SPAG17: variants seen among roughly 807,000 people sequenced by gnomAD.
SPAG17 encodes sperm-associated antigen 17.
In SPAG17, 169 loss-of-function variants were observed where a neutral mutation model predicts 273.6. The ratio of observed to expected loss-of-function variants is 0.62; its 90% confidence interval spans 0.55 to 0.70. SPAG17 has a LOEUF of 0.70. SPAG17 is among the 30% of genes least tolerant of loss of function. The pLI, the probability that SPAG17 is intolerant of heterozygous loss-of-function variation, is 0.00. For missense variants in SPAG17, 2,557 were observed against 2,627.8 expected (o/e 0.97, Z 0.59); for synonymous variants, 825 against 873.2 (o/e 0.94, Z 0.97).
At chr1:118,149,038 T>C (rs982917850) in intron 3 of SPAG17, among the ~76,000 whole-genome samples, 12 of 152,204 alleles carry the variant, frequency 7.9e-5, no homozygotes, top group African/African-American at 2.7e-4. Context: ...CATTAATGAA[T>C]GTCTGGTGCA....
chr1:118,071,375 T>C (rs749993222), intron 17 of SPAG17, among the ~76,000 whole-genome samples: 1 of 152,106 alleles, frequency 6.6e-6, no homozygotes, highest in African/African-American at 2.4e-5. Flanking sequence ...ATATCAGAAA[T>C]GCAGTGGCTC....
At chr1:117,981,695 T>C (rs1323859034) in intron 42 of SPAG17, among the ~76,000 whole-genome samples, 3 of 152,328 alleles carry the variant, frequency 2.0e-5, no homozygotes, top group East Asian at 1.9e-4. Flanking sequence ...TGTCACCTTG[T>C]TGTGTTATGT....
intron 2 of SPAG17, 80 bp downstream of exon 2, chr1:118,151,149 A>G: frequency 1.7e-6 from 2 of 1,198,762 alleles, no homozygotes; most frequent in Non-Finnish European, 2.2e-6. Context: ...CAAGAATATG[A>G]TAGTTTATTT....
At chr1:118,173,584 C>G (rs1265116739) in intron 1 of SPAG17, among the ~76,000 whole-genome samples, 1 of 152,068 alleles carries the variant, frequency 6.6e-6, no homozygotes, top group Non-Finnish European at 1.5e-5. Context: ...AATACAACGA[C>G]ACATCTAAGG....
chr1:118,134,053 G>A (rs1454051243), intron 3 of SPAG17, among the ~76,000 whole-genome samples: 2 of 152,182 alleles, frequency 1.3e-5, no homozygotes, highest in Admixed American at 6.5e-5. Flanking sequence ...ACTATCAGAA[G>A]GACTGTAAAT....
chr1:118,067,678 T>A (rs959468130), intron 17 of SPAG17, among the ~76,000 whole-genome samples: 1 of 152,234 alleles, frequency 6.6e-6, no homozygotes, highest in African/African-American at 2.4e-5. Flanking sequence ...TCAGTAGGTA[T>A]GATTATTTTT....
At position 118,145,058 on chromosome 1, in the gene SPAG17, G is replaced by A. The variant is rs1658896296; in HGVS notation, c.315+5485C>T. Among the ~76,000 whole-genome samples, 4 of 152,292 alleles carry A rather than the reference G, an allele frequency of 2.6e-5. No homozygotes were observed. In the Middle Eastern group the frequency reaches 0.014, roughly 518 times the overall value. ...TTAAAGCGCGGGATTGAAAAGGCCA[G>A]AGAATGCTTCCTGTCTCCCTTTTCC... On this transcript the variant is annotated intron_variant, in intron 3 of 48. Coordinates refer to ENST00000336338, the MANE Select transcript of SPAG17 (RefSeq NM_206996.4).
rs1298293159 is a variant in SPAG17, at chr1:118,161,544, T to C, written c.88-10175A>G. ...TTTTTTTAATAGGGAAGGTTTTTTT[T>C]CTTCTTTTTTTTAGACGTAGTCTCG... On this transcript the variant is annotated intron_variant, in intron 1 of 48. Transcript: ENST00000336338. Among the ~76,000 whole-genome samples the C allele has an allele frequency of 7.2e-5, 11 of 152,268 alleles. No homozygotes were observed. The East Asian group carries it at 9.6e-4, about 13-fold the overall frequency.
chr1:118,097,169 A>G (rs1464175531), intron 7 of SPAG17, among the ~76,000 whole-genome samples: 5 of 151,520 alleles, frequency 3.3e-5, no homozygotes, highest in Admixed American at 2.0e-4. Flanking sequence ...CAGGAGGCGG[A>G]GGTTGCAGTG....
intron 38 of SPAG17, 100 bp downstream of exon 38, chr1:117,990,761 G>C: frequency 2.8e-6 from 2 of 719,188 alleles, no homozygotes; most frequent in South Asian, 1.9e-5. Context: ...TATGTACATG[G>C]TGTCTTGTTA....
chr1:118,155,803 T>G (rs980407186), intron 1 of SPAG17, among the ~76,000 whole-genome samples: 13 of 152,230 alleles, frequency 8.5e-5, no homozygotes, highest in Admixed American at 1.3e-4. Context: ...GCAGATTTAC[T>G]GCAAAATGGA....
At chr1:117,996,996 T>C (rs778881334) in intron 32 of SPAG17, among the ~76,000 whole-genome samples, 1 of 152,054 alleles carries the variant, frequency 6.6e-6, no homozygotes, top group Non-Finnish European at 1.5e-5. Flanking sequence ...GTGAATAGGA[T>C]GGGGAGGATA....
chr1:117,955,006 A>G, intron 48 of SPAG17: 1 of 381,590 alleles, frequency 2.6e-6, no homozygotes, highest in Non-Finnish European at 4.7e-6. Context: ...TGATGGGAGA[A>G]TGTATGTTTA....
At chr1:118,109,024 C>T (rs72697598) in intron 4 of SPAG17, among the ~76,000 whole-genome samples, 10 of 152,082 alleles carry the variant, frequency 6.6e-5, no homozygotes, top group Admixed American at 5.9e-4. Flanking sequence ...TTCTAAATGA[C>T]TTCTTGATGT....
rs150857964 is a variant in SPAG17, at chr1:118,012,075, C to A, written c.4432+153G>T. Reference sequence around the variant, plus strand: ...AATAATACTACTAAATCCTTATAGACCCTGCTTTGGATGGCATGGGTTTTC... The same window carrying A: ...AATAATACTACTAAATCCTTATAGAACCTGCTTTGGATGGCATGGGTTTTC... On this transcript the variant is annotated intron_variant, in intron 30 of 48. Transcript: ENST00000336338. 4.6e-5 allele frequency among the ~76,000 whole-genome samples: 7 copies of A among 151,994 alleles called. No homozygotes were observed. In the East Asian group the frequency reaches 1.4e-3, roughly 29 times the overall value.
At chr1:118,107,993 G>A (rs1412376945) in intron 4 of SPAG17, among the ~76,000 whole-genome samples, 1 of 152,176 alleles carries the variant, frequency 6.6e-6, no homozygotes, top group African/African-American at 2.4e-5. Context: ...CTGGTGCAGA[G>A]AAAATATATG....
Position 118,055,817 on chromosome 1 carries a change from T to G in SPAG17, c.2638A>C (p.Thr880Pro). The change falls in exon 19 of 49, where the codon ACC (threonine) becomes CCC (proline). Residue 880 changes from threonine to proline, a missense_variant. Transcript: ENST00000336338. Reference sequence around the variant, plus strand: ...GATTTCAATTCCAGCTCAGCTCTGGTCCTGATGATTTTCTCATTCATTTTA... The same window carrying G: ...GATTTCAATTCCAGCTCAGCTCTGGGCCTGATGATTTTCTCATTCATTTTA... ...ESKMNEKIIR[T>P]RAELELKSSA... 6.2e-7 allele frequency: 1 copy of G among 1,613,282 alleles called. No homozygotes were observed.
intron 28 of SPAG17, among the ~76,000 whole-genome samples, chr1:118,020,322 C>G (rs540175662): frequency 6.6e-6 from 1 of 151,744 alleles, no homozygotes; most frequent in Non-Finnish European, 1.5e-5. Flanking sequence ...TAATCCCAGC[C>G]ACTTGGGAGG....
chr1:118,036,670 A>G, intron 24 of SPAG17, 100 bp downstream of exon 24: 1 of 768,978 alleles, frequency 1.3e-6, no homozygotes, highest in Non-Finnish European at 2.2e-6. Flanking sequence ...GGAGCATTAA[A>G]TCATAACATG....
Sources: gnomAD v4.1 joint callset for allele counts (sites outside exome capture counted in the v4.1 genomes callset) on GRCh38, gnomAD v4.1.1 for gene constraint, MANE v1.5 for transcripts, NCBI Gene and HGNC (gene_info 2026-07-23, HGNC 2026-07-21) for gene names.